IFRD2: variants seen among roughly 807,000 people sequenced by gnomAD.
IFRD2 encodes the protein interferon related developmental regulator 2.
Under a neutral mutation model 49.2 loss-of-function variants are expected in IFRD2, and 35 were observed. The observed-to-expected ratio is 0.71, with a 90% CI of 0.54 to 0.94. The LOEUF (loss-of-function observed/expected upper bound fraction) is 0.94, where lower values mean the gene tolerates loss of function less well. Among genes scored for constraint, IFRD2 ranks in the 40% least tolerant of loss-of-function variants. The pLI is 0.00. For synonymous variants in IFRD2, 275 were observed against 239.7 expected (o/e 1.15, Z -1.36); for missense variants, 561 against 591.6 (o/e 0.95, Z 0.54).
intron 9 of IFRD2, 25 bp from the exon 10 acceptor site, chr3:50,288,736 A>G (rs1553709045): frequency 1.2e-6 from 2 of 1,612,522 alleles, no homozygotes; most frequent in Admixed American, 3.3e-5. Context: ...TGCCAACACA[A>G]CTGGGCTTGG....
chr3:50,288,171 C>T lies in IFRD2; in HGVS notation c.*20G>A, dbSNP rs782239618. 4.7e-5 allele frequency: 76 copies of T among 1,603,924 alleles called. No homozygotes were observed. In the East Asian group the frequency reaches 1.7e-3, roughly 35 times the overall value. ...TACGGACCAAGGGCATAGAAAGTCTCCTCTTCAGCAGGTCCTGCTTCACAG... is the reference window on the plus strand; with the variant it reads ...TACGGACCAAGGGCATAGAAAGTCTTCTCTTCAGCAGGTCCTGCTTCACAG... On this transcript the variant is annotated 3_prime_UTR_variant, in exon 12 of 12. Coordinates refer to ENST00000417626, the MANE Select transcript of IFRD2 (RefSeq NM_006764.5).
Position 50,290,085 on chromosome 3 carries a change from C to T in IFRD2, c.390G>A (p.Gly130=), listed in dbSNP as rs1165497516. 3 of 1,613,448 alleles carry T rather than the reference C, an allele frequency of 1.9e-6. No homozygotes were observed. In the Admixed American group the frequency reaches 5.0e-5, roughly 27 times the overall value. The stretch of plus-strand genomic sequence containing the variant: ...CAGCCAGGGCTTGTTCCTCGCCCTT[C>T]CCTGTGGGATGCTTTCCAGTCAGCC... ...ADALEKCLKK[G]KGEEQALAAA... is the part of the protein sequence containing the mutation. Residue 130 remains glycine, a splice_region_variant and synonymous_variant, in exon 5 of 12, where the codon GGG becomes GGA. Coordinates refer to ENST00000417626, the MANE Select transcript of IFRD2 (RefSeq NM_006764.5).
At position 50,289,273 on chromosome 3, in the gene IFRD2, C is replaced by T; in HGVS notation, c.867G>A (p.Glu289=). The T allele has an allele frequency of 6.3e-7, 1 of 1,582,794 alleles. No homozygotes were observed. Among genetic ancestry groups the T allele is most frequent in the Non-Finnish European group, 8.6e-7 (1 of 1,164,672 alleles). The part of the protein sequence containing the change: ...AAGETIALLF[E]LARDLEEEFV... ...CTCGCACCTCAAGGTCCCGGGCAAGCTCAAAGAGCAGTGCAATGGTTTCAC... is the reference window on the plus strand; with the variant it reads ...CTCGCACCTCAAGGTCCCGGGCAAGTTCAAAGAGCAGTGCAATGGTTTCAC... Residue 289 remains glutamate, a synonymous_variant, in exon 8 of 12, where the codon GAG becomes GAA. Coordinates refer to ENST00000417626, the MANE Select transcript of IFRD2 (RefSeq NM_006764.5).
In IFRD2 at chr3:50,289,021, C is replaced by T. The variant is rs1049873860; in HGVS notation, c.886-84G>A. ...AGGGCACTGCCCAAACCCCTCCTTT[C>T]ACTGAGAGACCCTCTCTTCTCTGCC... On this transcript the variant is annotated intron_variant, in intron 8 of 11. Coordinates refer to ENST00000417626, the MANE Select transcript of IFRD2 (RefSeq NM_006764.5). 3.9e-6 allele frequency: 6 copies of T among 1,526,554 alleles called. No individual in the cohort carries two copies. The African/African-American group carries it at 8.2e-5, about 21-fold the overall frequency. The allele number at this position is 1,526,554 out of a possible 1,614,324, so 94.6% of individuals were successfully genotyped here.
At chr3:50,290,893 G>T (rs1486140560) in intron 1 of IFRD2, among the ~76,000 whole-genome samples, 2 of 152,118 alleles carry the variant, frequency 1.3e-5, no homozygotes, top group African/African-American at 2.4e-5. Flanking sequence ...GGCTGCTGTG[G>T]CAGAGTTTTG....
chr3:50,290,018 G>C lies in IFRD2; in HGVS notation c.457C>G (p.Pro153Ala). ...GLLCVQLGPGPKGEELFHSLQ... is the reference protein window; with the variant it reads ...GLLCVQLGPGAKGEELFHSLQ... ...CTGTGAAACAGCTCCTCACCCTTAGGTCCAGGGCCCAGCTGCACGCAGAGC... is the reference window on the plus strand; with the variant it reads ...CTGTGAAACAGCTCCTCACCCTTAGCTCCAGGGCCCAGCTGCACGCAGAGC... The change falls in exon 5 of 12, where the codon CCT (proline) becomes GCT (alanine). Residue 153 changes from proline to alanine, a missense_variant. By Grantham distance (27) the Pro-to-Ala change is conservative (BLOSUM62 -1). Transcript: ENST00000417626. The C allele has an allele frequency of 6.2e-7, 1 of 1,613,510 alleles. No homozygotes were observed. The highest frequency in any genetic ancestry group is 2.2e-5 in the East Asian group (1 of 44,862).
rs782014278 is a variant in IFRD2 at position 50,288,828 on chromosome 3, G to A, written c.995C>T (p.Thr332Ile). 3.1e-6 allele frequency: 5 copies of A among 1,613,516 alleles called. No individual in the cohort carries two copies. In the South Asian group the frequency reaches 5.5e-5, roughly 18 times the overall value. The change falls in exon 9 of 12, where the codon ACT (threonine) becomes ATT (isoleucine). Residue 332 changes from threonine (T) to isoleucine (I), a missense_variant. Coordinates refer to ENST00000417626, the MANE Select transcript of IFRD2 (RefSeq NM_006764.5). The stretch of plus-strand genomic sequence containing the variant: ...CACGGAGTGCAGCACGGCGCGGAAA[G>A]TAGAGCGCTGGCGCCGACGATCAGC... ...AKADRRRQRS[T>I]FRAVLHSVEG...
At chr3:50,289,387 T>G in intron 7 of IFRD2, 27 bp from the exon 8 acceptor site, 2 of 1,577,166 alleles carry the variant, frequency 1.3e-6, no homozygotes, top group Non-Finnish European at 1.7e-6. Context: ...CTGAGCTATA[T>G]GTGTGGCTTG....
Position 50,290,466 on chromosome 3 carries a change from T to A in IFRD2, c.185A>T (p.Asp62Val). 1 of 1,577,498 alleles carries A rather than the reference T, an allele frequency of 6.3e-7. No individual in the cohort carries two copies. Among genetic ancestry groups the A allele is most frequent in the Non-Finnish European group, 8.6e-7 (1 of 1,160,680 alleles). Residue 62 changes from aspartate (D) to valine (V), a missense_variant, in exon 3 of 12, where the codon GAT (aspartate) becomes GTT (valine). Coordinates refer to ENST00000417626, the MANE Select transcript of IFRD2 (RefSeq NM_006764.5). ...CTGCTGGCCCTGCTCATCCACGACATCCCCCCCTGCAAGGCCACCTGGTCA... is the reference window on the plus strand; with the variant it reads ...CTGCTGGCCCTGCTCATCCACGACAACCCCCCCTGCAAGGCCACCTGGTCA... Reference protein sequence around the residue: ...STTAEDSLGGDVVDEQGQQED... With the variant: ...STTAEDSLGGVVVDEQGQQED...
chr3:50,290,309 G>C lies in IFRD2; in HGVS notation c.264-15C>G, dbSNP rs1553709579. The C allele has an allele frequency of 3.7e-6, 6 of 1,608,794 alleles. No homozygotes were observed. The highest frequency in any genetic ancestry group is 5.1e-6 in the Non-Finnish European group (6 of 1,177,472). On this transcript the variant is annotated splice_polypyrimidine_tract_variant and intron_variant, in intron 3 of 11. Coordinates refer to ENST00000417626, the MANE Select transcript of IFRD2 (RefSeq NM_006764.5). ...GGGTCTTGGCACTGGGGGAGGTCGA[G>C]AAGGGGGGTCATATGGGCCAGCCCT... is the stretch of plus-strand genomic sequence containing the variant.
rs781966761 is a variant in IFRD2 at position 50,288,824 on chromosome 3, G to A, written c.999C>T (p.Phe333=). The A allele has an allele frequency of 2.5e-5, 41 of 1,613,300 alleles. No homozygotes were observed. The highest frequency in any genetic ancestry group is 3.4e-5 in the Non-Finnish European group (40 of 1,179,616). ...KADRRRQRST[F]RAVLHSVEGG... ...CCTCCACGGAGTGCAGCACGGCGCGGAAAGTAGAGCGCTGGCGCCGACGAT... is the reference window on the plus strand; with the variant it reads ...CCTCCACGGAGTGCAGCACGGCGCGAAAAGTAGAGCGCTGGCGCCGACGAT... Residue 333 remains phenylalanine, a synonymous_variant, in exon 9 of 12, where the codon TTC becomes TTT. Coordinates refer to ENST00000417626, the MANE Select transcript of IFRD2 (RefSeq NM_006764.5).
rs965404682 is a variant in IFRD2 at position 50,288,501 on chromosome 3, T to C, written c.1156A>G (p.Asn386Asp). ...CCAAAGATGTCACGGAGTAGCTCAT[T>C]GTTCTGGGGGGCAGAGGGCAGTGAG... Reference protein sequence around the residue: ...GSGMHHHLQNNELLRDIFGLG... With the variant: ...GSGMHHHLQNDELLRDIFGLG... Residue 386 changes from asparagine to aspartate, a missense_variant, in exon 11 of 12, where the codon AAT becomes GAT. Physicochemically the swap from Asn to Asp is conservative, Grantham distance 23 (BLOSUM62 1). Transcript: ENST00000417626. 7 of 1,613,936 alleles carry C rather than the reference T, an allele frequency of 4.3e-6. No homozygotes were observed. The highest frequency in any genetic ancestry group is 5.9e-6 in the Non-Finnish European group (7 of 1,179,862).
At chr3:50,292,061 G>A (rs1701687092) in intron 1 of IFRD2, 156 bp downstream of exon 1, 1 of 812,210 alleles carries the variant, frequency 1.2e-6, no homozygotes, top group Non-Finnish European at 1.8e-6. Flanking sequence ...GCCAATGACT[G>A]CTGGGGCACG....
Position 50,289,767 on chromosome 3 carries a change from TG to T in IFRD2, c.547-6del. The T allele has an allele frequency of 6.2e-7, 1 of 1,600,006 alleles. No homozygotes were observed. Among genetic ancestry groups the T allele is most frequent in the Non-Finnish European group, 8.5e-7 (1 of 1,173,546 alleles). ...CAGGCCAAGGGCAGAAGCACACTGT[TG>T]GGAGAAGGGCAATGCAATGCCACGG... On this transcript the variant is annotated splice_region_variant and splice_polypyrimidine_tract_variant and intron_variant, in intron 5 of 11. Transcript: ENST00000417626.
In IFRD2 at chr3:50,288,787, T is replaced by C; in HGVS notation, c.1023+13A>G. The stretch of plus-strand genomic sequence containing the variant: ...GTGCACCCTTGCTAGGACACATATG[T>C]TCTCACACACACCTCCACGGAGTGC... On this transcript the variant is annotated intron_variant, in intron 9 of 11. Transcript: ENST00000417626. 6.2e-7 allele frequency: 1 copy of C among 1,613,048 alleles called. No individual in the cohort carries two copies. Among genetic ancestry groups the C allele is most frequent in the South Asian group, 1.1e-5 (1 of 90,932 alleles).
chr3:50,289,903 G>C, intron 5 of IFRD2, 26 bp downstream of exon 5: 2 of 1,612,002 alleles, frequency 1.2e-6, no homozygotes, highest in South Asian at 2.2e-5. Context: ...TGCAGGAAGG[G>C]TTTCATGGGG....
At position 50,290,031 on chromosome 3, in the gene IFRD2, C is replaced by T. The variant is rs1701641608; in HGVS notation, c.444G>A (p.Gln148=). 6.2e-7 allele frequency: 1 copy of T among 1,613,476 alleles called. No homozygotes were observed. Among genetic ancestry groups the T allele is most frequent in the Admixed American group, 1.7e-5 (1 of 59,948 alleles). ...AAAVLGLLCV[Q]LGPGPKGEEL... ...CCTCACCCTTAGGTCCAGGGCCCAG[C>T]TGCACGCAGAGCAGGCCTAGCACAG... Residue 148 remains glutamine (Q), a synonymous_variant, in exon 5 of 12, where the codon CAG becomes CAA. Transcript: ENST00000417626.
In IFRD2 at chr3:50,291,854, G is replaced by C. The variant is rs587658235; in HGVS notation, c.58+363C>G. On this transcript the variant is annotated intron_variant, in intron 1 of 11. Coordinates refer to ENST00000417626, the MANE Select transcript of IFRD2 (RefSeq NM_006764.5). ...CCCCCTCCCTCTCTTCACCGGAGCA[G>C]GCCAGGACTCCCGCCAACTTCCTTG... is the stretch of plus-strand genomic sequence containing the variant. 5.8e-5 allele frequency: 14 copies of C among 242,648 alleles called. No individual in the cohort carries two copies. In the East Asian group the frequency reaches 1.1e-3, roughly 19 times the overall value. The allele number at this position is 242,648 out of a possible 1,614,324, so 15.0% of individuals were successfully genotyped here.
Position 50,289,269 on chromosome 3 carries a change from C to T in IFRD2, c.871G>A (p.Ala291Thr), listed in dbSNP as rs782572646. The change falls in exon 8 of 12, where the codon GCC becomes ACC. Residue 291 changes from alanine to threonine, a missense_variant. By Grantham distance (58) the Ala-to-Thr change is moderately conservative. Coordinates refer to ENST00000417626, the MANE Select transcript of IFRD2 (RefSeq NM_006764.5). The stretch of plus-strand genomic sequence containing the variant: ...GTCCCTCGCACCTCAAGGTCCCGGG[C>T]AAGCTCAAAGAGCAGTGCAATGGTT... ...GETIALLFEL[A>T]RDLEEEFVYE... 1 of 1,579,598 alleles carries T rather than the reference C, an allele frequency of 6.3e-7. No homozygotes were observed. Among genetic ancestry groups the T allele is most frequent in the East Asian group, 2.3e-5 (1 of 42,796 alleles).
Sources: allele counts gnomAD v4.1 joint callset (sites outside exome capture counted in the v4.1 genomes callset), GRCh38; gene constraint gnomAD v4.1.1; transcripts MANE v1.5; gene names NCBI Gene and HGNC (gene_info 2026-07-23, HGNC 2026-07-21).